The following WDR45B variants were observed in gnomAD, a reference collection of about 807,000 sequenced individuals.
WDR45B encodes the protein WD repeat domain phosphoinositide-interacting protein 3.
A neutral mutation model predicts 44.6 loss-of-function variants in WDR45B; 20 were observed. The observed-to-expected ratio is 0.45, with a 90% CI of 0.32 to 0.65. WDR45B has a LOEUF of 0.65. Ranked by LOEUF, WDR45B falls within the 30% of genes least tolerant of loss-of-function variation. WDR45B has a pLI of 0.05. For missense variants in WDR45B, 323 were observed against 430.2 expected (o/e 0.75, Z 2.20); for synonymous variants, 169 against 164.9 (o/e 1.02, Z -0.19).
chr17:82,627,321 A>G (rs373643683), intron 3 of WDR45B, 30 bp from the exon 4 acceptor site: 29 of 1,555,362 alleles, frequency 1.9e-5, no homozygotes, highest in African/African-American at 2.7e-5. Flanking sequence ...AGATGAATGC[A>G]GTCATCAGCA....
In WDR45B at chr17:82,619,042, C is replaced by A; in HGVS notation, c.704+1G>T. 6.2e-7 allele frequency: 1 copy of A among 1,614,052 alleles called. No homozygotes were observed. The highest frequency in any genetic ancestry group is 8.5e-7 in the Non-Finnish European group (1 of 1,179,944). Reference sequence around the variant, plus strand: ...TCCGGTGAAGTTGGAGGTGCCCTTACCAGTAAATATTGGCTGCTTGAGATC... The same window carrying A: ...TCCGGTGAAGTTGGAGGTGCCCTTAACAGTAAATATTGGCTGCTTGAGATC... On this transcript the variant is annotated splice_donor_variant, in intron 7 of 9. Coordinates refer to ENST00000392325, the MANE Select transcript of WDR45B (RefSeq NM_019613.4). LOFTEE classifies it high-confidence loss of function.
chr17:82,632,725 G>C (rs551268461), intron 2 of WDR45B, among the ~76,000 whole-genome samples: 2 of 151,992 alleles, frequency 1.3e-5, no homozygotes, highest in African/African-American at 4.8e-5. Flanking sequence ...CTCGATCTTC[G>C]AGATATTTAA....
rs2045516920 is a variant in WDR45B at position 82,615,327 on chromosome 17, GAGA to G, written c.*589_*591del. On this transcript the variant is annotated 3_prime_UTR_variant, in exon 10 of 10. Coordinates refer to ENST00000392325, the MANE Select transcript of WDR45B (RefSeq NM_019613.4). The stretch of plus-strand genomic sequence containing the variant: ...CACAGATGACCACGTTGCGGGTACG[GAGA>G]AGACCACAGGCTGGGCTCACACGAG... The G allele has an allele frequency of 6.1e-6, 1 of 162,708 alleles. No homozygotes were observed. Among genetic ancestry groups the G allele is most frequent in the Middle Eastern group, 3.0e-3 (1 of 334 alleles). The allele number at this position is 162,708 out of a possible 1,614,324, so 10.1% of individuals were successfully genotyped here.
In WDR45B at chr17:82,615,573, T is replaced by G; in HGVS notation, c.*346A>C. On this transcript the variant is annotated 3_prime_UTR_variant, in exon 10 of 10. Transcript: ENST00000392325. The stretch of plus-strand genomic sequence containing the variant: ...TGCTGCAAAAACAAACCTGAACTCG[T>G]CCACCCTCTCAGCCCAGTCCCCAGG... 1 of 367,180 alleles carries G rather than the reference T, an allele frequency of 2.7e-6. No individual in the cohort carries two copies. The highest frequency in any genetic ancestry group is 5.2e-6 in the Non-Finnish European group (1 of 192,996). 22.7% of individuals were successfully genotyped at this position (367,180 alleles called of 1,614,324 possible).
intron 2 of WDR45B, among the ~76,000 whole-genome samples, chr17:82,637,141 T>C (rs1056082799): frequency 2.0e-5 from 3 of 152,008 alleles, no homozygotes; most frequent in Non-Finnish European, 4.4e-5. Context: ...GCACTGAGCA[T>C]TTATTTATTC....
intron 7 of WDR45B, among the ~76,000 whole-genome samples, chr17:82,618,078 C>T (rs1160634724): frequency 3.9e-5 from 6 of 152,018 alleles, no homozygotes; most frequent in African/African-American, 1.4e-4. Flanking sequence ...TACAGGCACA[C>T]GCCACCACGC....
Position 82,615,651 on chromosome 17 carries a change from C to T in WDR45B, c.*268G>A, listed in dbSNP as rs866696822. The T allele has an allele frequency of 9.2e-5, 47 of 508,484 alleles. No homozygotes were observed. Among genetic ancestry groups the T allele is most frequent in the Middle Eastern group, 5.4e-4 (1 of 1,852 alleles). The allele number at this position is 508,484 out of a possible 1,614,324, so 31.5% of individuals were successfully genotyped here. A position where few individuals can be genotyped will look rare whatever the true frequency, so the allele number is the denominator to read the frequency against. ...GATGCGGCGGAGCCACTGAAGCTAA[C>T]GTCACAGCTGAACTCATGGGAACAG... On this transcript the variant is annotated 3_prime_UTR_variant, in exon 10 of 10. Transcript: ENST00000392325.
At chr17:82,636,763 C>T (rs1387551069) in intron 2 of WDR45B, among the ~76,000 whole-genome samples, 1 of 152,010 alleles carries the variant, frequency 6.6e-6, no homozygotes, top group Non-Finnish European at 1.5e-5. Flanking sequence ...TTACTGTAAA[C>T]AGCCTACCCG....
chr17:82,648,236 G>T (rs368615493), intron 1 of WDR45B, 38 bp downstream of exon 1: 144 of 1,589,904 alleles, frequency 9.1e-5, no homozygotes, highest in Non-Finnish European at 1.2e-4. Context: ...CTGCGGGAAG[G>T]CCCGGCCGGG....
At chr17:82,647,974 T>A (rs1459635923) in intron 1 of WDR45B, among the ~76,000 whole-genome samples, 1 of 133,052 alleles carries the variant, frequency 7.5e-6, no homozygotes, top group Non-Finnish European at 1.6e-5. Flanking sequence ...CTGTGCCGTC[T>A]CCCACCGACC....
intron 5 of WDR45B, among the ~76,000 whole-genome samples, chr17:82,623,671 T>C (rs1006806177): frequency 1.5e-4 from 22 of 150,464 alleles, no homozygotes; most frequent in African/African-American, 5.4e-4. Context: ...GCACTCCAGC[T>C]TGGGCAACAG....
chr17:82,643,088 T>C (rs1036159369), intron 2 of WDR45B, among the ~76,000 whole-genome samples: 6 of 152,160 alleles, frequency 3.9e-5, no homozygotes, highest in Admixed American at 1.3e-4. Flanking sequence ...CCCTGACTCA[T>C]TTTTACAATA....
At chr17:82,620,713 T>A (rs1431199117) in intron 6 of WDR45B, among the ~76,000 whole-genome samples, 1 of 152,220 alleles carries the variant, frequency 6.6e-6, no homozygotes, top group East Asian at 1.9e-4. Flanking sequence ...CAATGAAAAC[T>A]ATAGTACAAG....
At chr17:82,616,166 C>T (rs1487785222) in intron 9 of WDR45B, 141 bp from the exon 10 acceptor site, 10 of 849,640 alleles carry the variant, frequency 1.2e-5, no homozygotes, top group African/African-American at 3.4e-5. Context: ...AGGGTCCCCA[C>T]TGAATGCGTT....
chr17:82,622,885 T>C (rs1241020188), intron 5 of WDR45B, among the ~76,000 whole-genome samples: 3 of 152,144 alleles, frequency 2.0e-5, no homozygotes, highest in Non-Finnish European at 4.4e-5. Context: ...TGTATTTATT[T>C]AATCAAAACA....
Position 82,615,889 on chromosome 17 carries a change from TG to T in WDR45B, c.*29del. 6.3e-7 allele frequency: 1 copy of T among 1,597,110 alleles called. No homozygotes were observed. Among genetic ancestry groups the T allele is most frequent in the Non-Finnish European group, 8.6e-7 (1 of 1,166,110 alleles). On this transcript the variant is annotated 3_prime_UTR_variant, in exon 10 of 10. Coordinates refer to ENST00000392325, the MANE Select transcript of WDR45B (RefSeq NM_019613.4). ...GCCCCGAGAGTCTGAAGGCGGCAGG[TG>T]GTGGGTGCTGTGGCGCCCCCAGCTG...
chr17:82,619,139 C>T lies in WDR45B; in HGVS notation c.619-11G>A, dbSNP rs777019949. On this transcript the variant is annotated splice_polypyrimidine_tract_variant and intron_variant, in intron 6 of 9. Transcript: ENST00000392325. ...TCTTATAAGCGTCCCCTTTGAAAAA[C>T]AGTGAAGTGTTTCATTATCAAAGAT... is the stretch of plus-strand genomic sequence containing the variant. 3 of 1,612,812 alleles carry T rather than the reference C, an allele frequency of 1.9e-6. No individual in the cohort carries two copies. Among genetic ancestry groups the T allele is most frequent in the Non-Finnish European group, 2.5e-6 (3 of 1,178,862 alleles).
At chr17:82,627,711 G>A (rs530271174) in intron 3 of WDR45B, among the ~76,000 whole-genome samples, 4 of 152,306 alleles carry the variant, frequency 2.6e-5, no homozygotes, top group Non-Finnish European at 2.9e-5. Context: ...GCCCGGTCCC[G>A]GTCTCAGGCG....
chr17:82,631,148 C>A, intron 2 of WDR45B, 126 bp from the exon 3 acceptor site: 1 of 879,212 alleles, frequency 1.1e-6, no homozygotes, highest in Non-Finnish European at 1.8e-6. Context: ...GACAAGATCT[C>A]ACTGTGTTGC....
Sources: gnomAD v4.1 joint callset for allele counts (sites outside exome capture counted in the v4.1 genomes callset) on GRCh38, gnomAD v4.1.1 for gene constraint, MANE v1.5 for transcripts, NCBI Gene and HGNC (gene_info 2026-07-23, HGNC 2026-07-21) for gene names.